The following ATP2C1 variants were observed in gnomAD, a reference collection of about 807,000 sequenced individuals.
ATP2C1 encodes calcium-transporting ATPase type 2C member 1.
A neutral mutation model predicts 120.5 loss-of-function variants in ATP2C1; 31 were observed. The observed-to-expected ratio is 0.26, with a 90% CI of 0.19 to 0.35. ATP2C1 has a LOEUF of 0.35. Ranked by LOEUF, ATP2C1 falls within the 10% of genes least tolerant of loss-of-function variation. The pLI, the probability that ATP2C1 is intolerant of heterozygous loss-of-function variation, is 1.00. For missense variants in ATP2C1, 731 were observed against 1,107.5 expected (o/e 0.66, Z 4.83); for synonymous variants, 351 against 358.7 (o/e 0.98, Z 0.24).
chr3:130,980,319 C>T (rs2061700936), intron 19 of ATP2C1, among the ~76,000 whole-genome samples: 1 of 151,130 alleles, frequency 6.6e-6, no homozygotes, highest in Non-Finnish European at 1.5e-5. Context: ...CTCCTGGGCT[C>T]AAGTGATCCT....
intron 2 of ATP2C1, among the ~76,000 whole-genome samples, chr3:130,911,773 A>C (rs1469672034): frequency 8.7e-5 from 13 of 150,206 alleles, no homozygotes; most frequent in Admixed American, 3.3e-4. Flanking sequence ...TATGGAACCA[A>C]AAAAGAGCCC....
At chr3:130,941,268 G>GTGTGTGTGTGTC (rs2059904435) in intron 7 of ATP2C1, among the ~76,000 whole-genome samples, 3 of 150,066 alleles carry the variant, frequency 2.0e-5, no homozygotes, top group African/African-American at 7.5e-5. Flanking sequence ...GTGTGTGTCT[G>GTGTGTGTGTGTC]TGTGTGTGCG....
At chr3:130,995,633 T>C (rs2062580568) in intron 22 of ATP2C1, among the ~76,000 whole-genome samples, 1 of 150,450 alleles carries the variant, frequency 6.6e-6, no homozygotes, top group Non-Finnish European at 1.5e-5. Context: ...TAGTTGGAAT[T>C]TTATTTTATT....
At chr3:131,009,979 C>T (rs2063255872) in intron 26 of ATP2C1, among the ~76,000 whole-genome samples, 1 of 152,038 alleles carries the variant, frequency 6.6e-6, no homozygotes, top group Non-Finnish European at 1.5e-5. Context: ...TGACAGCTTT[C>T]CAGGTGCTGC....
At chr3:130,915,400 A>G (rs1045113794) in intron 2 of ATP2C1, among the ~76,000 whole-genome samples, 2 of 152,154 alleles carry the variant, frequency 1.3e-5, no homozygotes, top group Non-Finnish European at 2.9e-5. Flanking sequence ...GGCCTAATTC[A>G]TTCTTAATTA....
At chr3:130,937,349 A>G (rs916494224) in intron 5 of ATP2C1, 79 bp from the exon 6 acceptor site, 8 of 1,221,212 alleles carry the variant, frequency 6.6e-6, no homozygotes, top group Middle Eastern at 4.8e-4. Flanking sequence ...GGGACTGCAG[A>G]TAGTTAGAAA....
chr3:130,992,807 A>G, intron 20 of ATP2C1, 144 bp from the exon 21 acceptor site: 1 of 683,668 alleles, frequency 1.5e-6, no homozygotes, highest in Non-Finnish European at 2.7e-6. Context: ...TAACAAACAT[A>G]TGTCATATTG....
chr3:130,980,627 GAGA>G lies in ATP2C1; in HGVS notation c.1792_1794del (p.Glu598del). 6.2e-7 allele frequency: 1 copy of G among 1,613,394 alleles called. No individual in the cohort carries two copies. Among genetic ancestry groups the G allele is most frequent in the Non-Finnish European group, 8.5e-7 (1 of 1,179,522 alleles). On this transcript the variant is annotated inframe_deletion, in exon 20 of 28. Coordinates refer to ENST00000510168, the MANE Select transcript of ATP2C1 (RefSeq NM_001378687.1). ...TCCAAAACTTCCCAGTCAGTCTCAG[GAGA>G]AGAAATAGATGCAATGGATGTTCAG...
chr3:130,882,129 C>A lies in ATP2C1; in HGVS notation c.108+31201C>A, dbSNP rs147971185. 1.8e-3 allele frequency among the ~76,000 whole-genome samples: 269 copies of A among 152,082 alleles called. 4 individuals are homozygous for A. The East Asian group carries it at 0.036, about 20-fold the overall frequency. ...AAAAAGTGGGCATCCTTTTCATGTT[C>A]CAGTCTTAAAATAATGACTCTAAGT... On this transcript the variant is annotated intron_variant, in intron 1 of 26. Transcript: ENST00000504381.
chr3:130,851,604 T>G (rs2067679551), intron 1 of ATP2C1, among the ~76,000 whole-genome samples: 1 of 152,248 alleles, frequency 6.6e-6, no homozygotes, highest in Non-Finnish European at 1.5e-5. Context: ...GTGAGATTTA[T>G]ATCATTCCAT....
rs2060520713 is a variant in ATP2C1 at position 130,955,069 on chromosome 3, C to G, written c.745C>G (p.Gln249Glu). ...ATTTGGGGAGGTTTTTAAAATGATG[C>G]AAGCAGAAGAGGTGAGTACTTAATA... ...SEFGEVFKMM[Q>E]AEEAPKTPLQ... is the part of the protein sequence containing the mutation. Residue 249 changes from glutamine (Q) to glutamate (E), a missense_variant, in exon 10 of 28, where the codon CAA becomes GAA. Gln to Glu is a conservative substitution (Grantham distance 29). This residue lies in a region of ATP2C1 where 571 missense variants were observed against 845.9 expected (regional missense o/e 0.67). Transcript: ENST00000510168. 1 of 1,607,508 alleles carries G rather than the reference C, an allele frequency of 6.2e-7. No individual in the cohort carries two copies. The highest frequency in any genetic ancestry group is 8.5e-7 in the Non-Finnish European group (1 of 1,174,442).
At chr3:130,910,392 A>T (rs1423527532) in intron 2 of ATP2C1, among the ~76,000 whole-genome samples, 17 of 144,194 alleles carry the variant, frequency 1.2e-4, no homozygotes, top group Non-Finnish European at 2.4e-4. Context: ...GTCGTCTGCA[A>T]ACAGGGACAA....
At chr3:131,010,178 T>C (rs916087282) in intron 26 of ATP2C1, among the ~76,000 whole-genome samples, 4 of 137,910 alleles carry the variant, frequency 2.9e-5, no homozygotes, top group Non-Finnish European at 6.1e-5. Flanking sequence ...GCTCTTCATC[T>C]TTTTCTATCT....
At chr3:130,961,484 C>A (rs553556697) in intron 12 of ATP2C1, among the ~76,000 whole-genome samples, 2 of 151,922 alleles carry the variant, frequency 1.3e-5, no homozygotes, top group African/African-American at 4.8e-5. Context: ...TTTACAATTT[C>A]TTCACCCTAG....
intron 24 of ATP2C1, 24 bp downstream of exon 24, chr3:130,996,820 G>T: frequency 3.4e-6 from 5 of 1,462,342 alleles, no homozygotes; most frequent in Non-Finnish European, 4.8e-6. Context: ...AATTGCATGA[G>T]CTGGAAAGAC....
intron 1 of ATP2C1, among the ~76,000 whole-genome samples, chr3:130,857,897 C>T (rs1456546437): frequency 6.6e-6 from 1 of 152,174 alleles, no homozygotes; most frequent in Non-Finnish European, 1.5e-5. Context: ...GGAAGTCAGT[C>T]TGAGTCTCAA....
At chr3:130,918,877 A>G in intron 2 of ATP2C1, 1 of 321,988 alleles carries the variant, frequency 3.1e-6, no homozygotes, top group South Asian at 2.7e-5. Context: ...CTGTAGTCCC[A>G]GCTACTCGGG....
At chr3:131,015,514 C>T (rs150300326) in intron 26 of ATP2C1, among the ~76,000 whole-genome samples, 1 of 152,322 alleles carries the variant, frequency 6.6e-6, no homozygotes, top group East Asian at 1.9e-4. Flanking sequence ...CTCTGTGGCA[C>T]ATAGGCTCAA....
intron 2 of ATP2C1, chr3:130,918,768 G>T (rs990464607): frequency 1.6e-5 from 6 of 380,430 alleles, no homozygotes; most frequent in Non-Finnish European, 2.5e-5. Context: ...GAGGCGGGCG[G>T]ATCATGAGGT....
Sources: gnomAD v4.1 joint callset for allele counts (sites outside exome capture counted in the v4.1 genomes callset) on GRCh38, gnomAD v4.1.1 for gene constraint, gnomAD v4.1.1 regional missense constraint, MANE v1.5 for transcripts, NCBI Gene and HGNC (gene_info 2026-07-23, HGNC 2026-07-21) for gene names.